SHMT1: variants seen among roughly 807,000 people sequenced by gnomAD.
The protein encoded by SHMT1 is serine hydroxymethyltransferase 1.
Under a neutral mutation model 49.0 loss-of-function variants are expected in SHMT1, and 45 were observed. That is an observed-to-expected ratio of 0.92 (90% CI 0.72 to 1.18). The LOEUF is 1.18. Among genes scored for constraint, SHMT1 ranks in the 50% most tolerant of loss-of-function variants. SHMT1 has a pLI of 0.00. For synonymous variants in SHMT1, 232 were observed against 246.6 expected, an observed-to-expected ratio of 0.94 and a Z score of 0.55; for missense variants, 541 against 612.4, an observed-to-expected ratio of 0.88 and a Z score of 1.23.
intron 2 of SHMT1, among the ~76,000 whole-genome samples, chr17:18,355,107 C>T (rs549090637): frequency 3.7e-5 from 5 of 133,894 alleles, no homozygotes; most frequent in South Asian, 4.9e-4. Flanking sequence ...CGGTGGCTCA[C>T]GCCTGTAATC....
chr17:18,341,419 T>C (rs1984495660), intron 5 of SHMT1: 1 of 158,188 alleles, frequency 6.3e-6, no homozygotes, highest in Non-Finnish European at 1.4e-5. Context: ...GACGGGCAGA[T>C]CATGAGGTCA....
rs982063881 is a variant in SHMT1 at position 18,359,791 on chromosome 17, C to T, written c.-20+3581G>A. The stretch of plus-strand genomic sequence containing the variant: ...TGAAACCCCATCTCCACTAAAAATA[C>T]TAAAATTAGCTGGGTGTGGTGGCGC... On this transcript the variant is annotated intron_variant, in intron 1 of 11. Transcript: ENST00000316694. Among the ~76,000 whole-genome samples, 3 of 149,880 alleles carry T rather than the reference C, an allele frequency of 2.0e-5. No homozygotes were observed. The Admixed American group carries it at 2.0e-4, about 10-fold the overall frequency.
In SHMT1 at chr17:18,353,668, A is replaced by T; in HGVS notation, c.242+4T>A. Reference sequence around the variant, plus strand: ...GAACCAGGCCTTTGAAGATATTCACATACCTCTGGCCCGGGTACCCCTCAG... The same window carrying T: ...GAACCAGGCCTTTGAAGATATTCACTTACCTCTGGCCCGGGTACCCCTCAG... On this transcript the variant is annotated splice_donor_region_variant and intron_variant, in intron 3 of 11. Transcript: ENST00000316694. 1 of 1,614,062 alleles carries T rather than the reference A, an allele frequency of 6.2e-7. No homozygotes were observed. The highest frequency in any genetic ancestry group is 8.5e-7 in the Non-Finnish European group (1 of 1,179,966).
chr17:18,348,562 C>T (rs759958522), intron 3 of SHMT1, 122 bp from the exon 4 acceptor site: 4 of 780,132 alleles, frequency 5.1e-6, no homozygotes, highest in Non-Finnish European at 9.3e-6. Flanking sequence ...ATGAGAAGAG[C>T]TTGTTAACAT....
At chr17:18,331,042 T>G in intron 9 of SHMT1, 1 of 360,926 alleles carries the variant, frequency 2.8e-6, no homozygotes, top group Non-Finnish European at 5.4e-6. Context: ...CAGTTCAATT[T>G]ACTTTGGGGG....
intron 1 of SHMT1, among the ~76,000 whole-genome samples, chr17:18,360,069 G>A (rs376472809): frequency 3.3e-5 from 5 of 151,756 alleles, no homozygotes; most frequent in African/African-American, 7.3e-5. Flanking sequence ...CCAACACAGC[G>A]AAACCCCGTC....
chr17:18,328,315 A>G lies in SHMT1; in HGVS notation c.*435T>C, dbSNP rs553289585. 27 of 213,846 alleles carry G rather than the reference A, an allele frequency of 1.3e-4. No homozygotes were observed. Among genetic ancestry groups the G allele is most frequent in the Admixed American group, 1.0e-3 (19 of 19,068 alleles). 13.2% of individuals were successfully genotyped at this position (213,846 alleles called of 1,614,324 possible). A position where few individuals can be genotyped will look rare whatever the true frequency, so the allele number is the denominator to read the frequency against. On this transcript the variant is annotated 3_prime_UTR_variant, in exon 12 of 12. Coordinates refer to ENST00000316694, the MANE Select transcript of SHMT1 (RefSeq NM_004169.5). Reference sequence around the variant, plus strand: ...CAGTTCTCCTTTGGCATGCCACTGGATAACAAGATAGTGAGGGGGCAGTGT... The same window carrying G: ...CAGTTCTCCTTTGGCATGCCACTGGGTAACAAGATAGTGAGGGGGCAGTGT...
At chr17:18,337,782 C>A (rs1382611725) in intron 7 of SHMT1, among the ~76,000 whole-genome samples, 1 of 152,222 alleles carries the variant, frequency 6.6e-6, no homozygotes, top group Non-Finnish European at 1.5e-5. Context: ...CTGTGTTGGC[C>A]GGGCTGGTCT....
At chr17:18,348,689 T>G in intron 3 of SHMT1, 1 of 608,834 alleles carries the variant, frequency 1.6e-6, no homozygotes, top group Non-Finnish European at 3.1e-6. Flanking sequence ...AAAGAGGGGG[T>G]TTTGGCTGGG....
intron 5 of SHMT1, 87 bp downstream of exon 5, chr17:18,347,409 A>G: frequency 6.8e-7 from 1 of 1,464,440 alleles, no homozygotes; most frequent in Non-Finnish European, 9.6e-7. Flanking sequence ...CTGTAGTGAC[A>G]CATAAACCAA....
intron 3 of SHMT1, 108 bp downstream of exon 3, chr17:18,353,564 G>A (rs192764916): frequency 2.6e-6 from 3 of 1,153,270 alleles, no homozygotes; most frequent in African/African-American, 1.5e-5. Context: ...AAATCCTACA[G>A]CTGGGAAGCT....
At chr17:18,361,898 A>G (rs1986814365) in intron 1 of SHMT1, among the ~76,000 whole-genome samples, 1 of 152,134 alleles carries the variant, frequency 6.6e-6, no homozygotes, top group African/African-American at 2.4e-5. Context: ...TCATTACAAC[A>G]TTGGATATTT....
chr17:18,358,474 G>A (rs981999059), intron 1 of SHMT1, among the ~76,000 whole-genome samples: 3 of 151,994 alleles, frequency 2.0e-5, no homozygotes, highest in South Asian at 2.1e-4. Flanking sequence ...GCAACAGAGC[G>A]AGACTCTGTC....
rs1280715062 is a variant in SHMT1, at chr17:18,363,375, G to A, written c.-23C>T. 6.6e-6 allele frequency: 1 copy of A among 152,442 alleles called. No individual in the cohort carries two copies. Among genetic ancestry groups the A allele is most frequent in the African/African-American group, 2.4e-5 (1 of 41,464 alleles). The allele number at this position is 152,442 out of a possible 1,614,324, so 9.4% of individuals were successfully genotyped here. A position where few individuals can be genotyped will look rare whatever the true frequency, so the allele number is the denominator to read the frequency against. Reference sequence around the variant, plus strand: ...GGAACACGGCCCGCGCACGTACCTAGCGACGCCTCCGTCCTACGCCGCCGC... The same window carrying A: ...GGAACACGGCCCGCGCACGTACCTAACGACGCCTCCGTCCTACGCCGCCGC... On this transcript the variant is annotated 5_prime_UTR_variant, in exon 1 of 12. Coordinates refer to ENST00000316694, the MANE Select transcript of SHMT1 (RefSeq NM_004169.5).
rs1245926529 is a variant in SHMT1 at position 18,331,072 on chromosome 17, A to G, written c.1055-401T>C. The G allele has an allele frequency of 2.3e-5, 8 of 354,234 alleles. No individual in the cohort carries two copies. The East Asian group carries it at 5.9e-4, about 26-fold the overall frequency. The allele number at this position is 354,234 out of a possible 1,614,324, so 21.9% of individuals were successfully genotyped here. The stretch of plus-strand genomic sequence containing the variant: ...TGGGGGGTAAGGGGCATGTTCACAG[A>G]GCACATTAGGTGCCAGACACTGTAG... On this transcript the variant is annotated intron_variant, in intron 9 of 11. Transcript: ENST00000316694.
intron 1 of SHMT1, among the ~76,000 whole-genome samples, chr17:18,358,273 G>A (rs1279619408): frequency 6.6e-6 from 1 of 150,400 alleles, no homozygotes; most frequent in Admixed American, 6.6e-5. Context: ...GGGCGGATCA[G>A]GAGGTCAGGA....
intron 9 of SHMT1, chr17:18,332,843 G>A (rs1342260412): frequency 1.5e-5 from 6 of 401,436 alleles, no homozygotes; most frequent in Non-Finnish European, 2.4e-5. Flanking sequence ...CACCTACCAG[G>A]TGTGTGACCA....
rs763124063 is a variant in SHMT1, at chr17:18,347,476, GGAGA to G, written c.519+16_519+19del. On this transcript the variant is annotated intron_variant, in intron 5 of 11. Coordinates refer to ENST00000316694, the MANE Select transcript of SHMT1 (RefSeq NM_004169.5). ...AGGTTTCCCAAGGAAATAAAAGCTA[GGAGA>G]GAAACACATGCTTACCTTGTAGGGC... The G allele has an allele frequency of 6.2e-7, 1 of 1,613,266 alleles. No homozygotes were observed. The highest frequency in any genetic ancestry group is 1.7e-5 in the Admixed American group (1 of 59,990).
intron 1 of SHMT1, among the ~76,000 whole-genome samples, chr17:18,356,726 T>C (rs960816213): frequency 6.6e-6 from 1 of 152,130 alleles, no homozygotes; most frequent in African/African-American, 2.4e-5. Context: ...CAGAATTGCT[T>C]GGTAAACACG....
Sources: allele counts gnomAD v4.1 joint callset (sites outside exome capture counted in the v4.1 genomes callset), GRCh38; gene constraint gnomAD v4.1.1; transcripts MANE v1.5; gene names NCBI Gene and HGNC (gene_info 2026-07-23, HGNC 2026-07-21).